Variants in AGPAT5 observed in about 807,000 individuals in gnomAD.
AGPAT5 encodes 1-acylglycerol-3-phosphate O-acyltransferase 5.
Under a neutral mutation model 45.6 loss-of-function variants are expected in AGPAT5, and 46 were observed. The observed-to-expected ratio is 1.01, with a 90% CI of 0.80 to 1.29. The LOEUF is 1.29. Ranked by LOEUF, AGPAT5 falls within the 50% of genes most tolerant of loss-of-function variation. The pLI, the probability that AGPAT5 is intolerant of heterozygous loss-of-function variation, is 0.00. For missense variants in AGPAT5, 673 were observed against 450.7 expected (o/e 1.49, Z -4.47); for synonymous variants, 272 against 167.0 (o/e 1.63, Z -4.85).
chr8:6,725,229 C>A (rs1485556865), intron 2 of AGPAT5, among the ~76,000 whole-genome samples: 1 of 152,096 alleles, frequency 6.6e-6, no homozygotes, highest in Non-Finnish European at 1.5e-5. Flanking sequence ...TGTATTCATT[C>A]TTTTTGTAAG....
In AGPAT5 at chr8:6,751,177, G is replaced by A. The variant is rs921673138; in HGVS notation, c.745+3349G>A. On this transcript the variant is annotated intron_variant, in intron 6 of 7. Transcript: ENST00000285518. The stretch of plus-strand genomic sequence containing the variant: ...TGACATCTGATATAAGTTGTGTTAG[G>A]TAGAAAATTCTGTAACTTGGAATAC... Among the ~76,000 whole-genome samples, 11 of 152,232 alleles carry A rather than the reference G, an allele frequency of 7.2e-5. No homozygotes were observed. In the East Asian group the frequency reaches 1.9e-3, roughly 27 times the overall value.
intron 6 of AGPAT5, among the ~76,000 whole-genome samples, chr8:6,753,060 T>C (rs1801709543): frequency 6.6e-6 from 1 of 152,166 alleles, no homozygotes; most frequent in Non-Finnish European, 1.5e-5. Flanking sequence ...CTGCGTAGAA[T>C]TGCAGAGATC....
intron 5 of AGPAT5, among the ~76,000 whole-genome samples, chr8:6,746,585 T>C (rs1486500505): frequency 6.6e-6 from 1 of 152,164 alleles, no homozygotes; most frequent in African/African-American, 2.4e-5. Context: ...TGGTGTGCGA[T>C]TGAGATTTTT....
chr8:6,715,649 A>G (rs539128024), intron 1 of AGPAT5, among the ~76,000 whole-genome samples: 1 of 152,326 alleles, frequency 6.6e-6, no homozygotes, highest in African/African-American at 2.4e-5. Context: ...CTGCCTGGCA[A>G]TGTGGTTATA....
At chr8:6,726,944 C>A (rs10105115) in intron 2 of AGPAT5, among the ~76,000 whole-genome samples, 1 of 152,118 alleles carries the variant, frequency 6.6e-6, no homozygotes, top group South Asian at 2.1e-4. Context: ...TATGACAGAG[C>A]CTTTTCCTAG....
chr8:6,747,778 A>T lies in AGPAT5; in HGVS notation c.695A>T (p.Tyr232Phe), dbSNP rs1046823189. The T allele has an allele frequency of 9.9e-6, 16 of 1,614,196 alleles. No individual in the cohort carries two copies. The Middle Eastern group carries it at 9.9e-4, about 100-fold the overall frequency. ...LDAIYDVTVV[Y>F]EGKDDGGQRR... ...GCAATTTATGATGTTACGGTGGTTT[A>T]TGAAGGGAAAGACGATGGAGGGCAG... Residue 232 changes from tyrosine to phenylalanine, a missense_variant, in exon 6 of 8, where the codon TAT becomes TTT. Coordinates refer to ENST00000285518, the MANE Select transcript of AGPAT5 (RefSeq NM_018361.5).
Position 6,754,720 on chromosome 8 carries a change from G to C in AGPAT5, c.746-331G>C, listed in dbSNP as rs977083986. 5.9e-5 allele frequency among the ~76,000 whole-genome samples: 9 copies of C among 152,280 alleles called. No individual in the cohort carries two copies. The South Asian group carries it at 6.2e-4, about 11-fold the overall frequency. On this transcript the variant is annotated intron_variant, in intron 6 of 7. Coordinates refer to ENST00000285518, the MANE Select transcript of AGPAT5 (RefSeq NM_018361.5). ...CTTCAGAGAGGTGAGTATGGACTTA[G>C]AGGAGGCTCCAGCTTCCTATTCCTG...
At position 6,722,423 on chromosome 8, in the gene AGPAT5, A is replaced by G. The variant is rs527689678; in HGVS notation, c.220-2447A>G. On this transcript the variant is annotated intron_variant, in intron 1 of 7. Coordinates refer to ENST00000285518, the MANE Select transcript of AGPAT5 (RefSeq NM_018361.5). ...GTTTTTTTTAAAAAATCATGTTTCAAGATTTGCATGTGGAAGACAAATGGA... is the reference window on the plus strand; with the variant it reads ...GTTTTTTTTAAAAAATCATGTTTCAGGATTTGCATGTGGAAGACAAATGGA... 6.6e-5 allele frequency among the ~76,000 whole-genome samples: 10 copies of G among 152,358 alleles called. No individual in the cohort carries two copies. In the East Asian group the frequency reaches 1.2e-3, roughly 18 times the overall value.
At chr8:6,749,020 A>G (rs547070380) in intron 6 of AGPAT5, among the ~76,000 whole-genome samples, 3 of 152,224 alleles carry the variant, frequency 2.0e-5, no homozygotes, top group Non-Finnish European at 4.4e-5. Context: ...GTGAGCAAGG[A>G]TAGAAATTAT....
chr8:6,716,487 G>A (rs1800333653), intron 1 of AGPAT5, among the ~76,000 whole-genome samples: 1 of 152,030 alleles, frequency 6.6e-6, no homozygotes, highest in Admixed American at 6.6e-5. Flanking sequence ...CTTGAACATG[G>A]GAGGTAGAGG....
intron 1 of AGPAT5, among the ~76,000 whole-genome samples, chr8:6,715,425 G>T (rs1448921462): frequency 6.6e-6 from 1 of 152,208 alleles, no homozygotes; most frequent in African/African-American, 2.4e-5. Context: ...GTGATTGAAT[G>T]TGGAGGAAAA....
chr8:6,713,750 A>G (rs748200266), intron 1 of AGPAT5, among the ~76,000 whole-genome samples: 1 of 151,938 alleles, frequency 6.6e-6, no homozygotes, highest in Non-Finnish European at 1.5e-5. Context: ...TAGTGGGGGT[A>G]GAGACGAGAT....
chr8:6,746,652 C>T (rs1380968580), intron 5 of AGPAT5, among the ~76,000 whole-genome samples: 2 of 152,180 alleles, frequency 1.3e-5, no homozygotes, highest in East Asian at 1.9e-4. Context: ...AAGTCAGATA[C>T]GTGCTTGTGG....
At chr8:6,738,420 A>G (rs866789290) in intron 4 of AGPAT5, 1 of 152,230 alleles carries the variant, frequency 6.6e-6, no homozygotes, top group Non-Finnish European at 1.5e-5. Flanking sequence ...TAAATTTGTC[A>G]TCTTATATGG....
chr8:6,759,864 A>G lies in AGPAT5; in HGVS notation c.*2476A>G, dbSNP rs1801973327. ...GGTTATATAAATTCATCTGCAATTT[A>G]TAAGATGCATGGCCGATGTTAATTT... is the stretch of plus-strand genomic sequence containing the variant. On this transcript the variant is annotated 3_prime_UTR_variant, in exon 8 of 8. Coordinates refer to ENST00000285518, the MANE Select transcript of AGPAT5 (RefSeq NM_018361.5). Among the ~76,000 whole-genome samples the G allele has an allele frequency of 6.6e-6, 1 of 152,258 alleles. No homozygotes were observed. Among genetic ancestry groups the G allele is most frequent in the Non-Finnish European group, 1.5e-5 (1 of 68,052 alleles).
intron 1 of AGPAT5, chr8:6,709,469 G>A (rs117517013): frequency 6.6e-6 from 1 of 152,578 alleles, no homozygotes; most frequent in Non-Finnish European, 1.5e-5. Flanking sequence ...TTCTGTTACT[G>A]TTTCTCTGTA....
intron 3 of AGPAT5, 27 bp from the exon 4 acceptor site, chr8:6,732,534 C>A: frequency 6.4e-7 from 1 of 1,563,128 alleles, no homozygotes; most frequent in Non-Finnish European, 8.6e-7. Flanking sequence ...AAAGTAAATG[C>A]TCTTTCTCCC....
chr8:6,745,921 A>T (rs957694427), intron 5 of AGPAT5: 2 of 151,952 alleles, frequency 1.3e-5, no homozygotes, highest in Non-Finnish European at 2.9e-5. Flanking sequence ...CAGTATGCCC[A>T]ATTTGAACTC....
In AGPAT5 at chr8:6,741,860, A is replaced by G. The variant is rs1205241246; in HGVS notation, c.586+109A>G. On this transcript the variant is annotated intron_variant, in intron 5 of 7. Transcript: ENST00000285518. ...GTTTTACAGTTGAAGGAATGAATGT[A>G]TTCATTCCTTGAATTAGTGTACATA... 11 of 800,300 alleles carry G rather than the reference A, an allele frequency of 1.4e-5. No individual in the cohort carries two copies. The East Asian group carries it at 2.3e-4, about 17-fold the overall frequency. 49.6% of individuals were successfully genotyped at this position (800,300 alleles called of 1,614,324 possible).
Sources: gnomAD v4.1 joint callset for allele counts (sites outside exome capture counted in the v4.1 genomes callset) on GRCh38, gnomAD v4.1.1 for gene constraint, MANE v1.5 for transcripts, NCBI Gene and HGNC (gene_info 2026-07-23, HGNC 2026-07-21) for gene names.